The following GLIS3 variants were observed in gnomAD, a reference collection of about 807,000 sequenced individuals.
GLIS3 encodes zinc finger protein GLIS3.
In GLIS3, 53 loss-of-function variants were observed where a neutral mutation model predicts 78.6. The observed-to-expected ratio is 0.67, with a 90% CI of 0.54 to 0.85. GLIS3 has a LOEUF of 0.85. GLIS3 is among the 40% of genes least tolerant of loss of function. GLIS3 has a pLI of 0.00. For missense variants in GLIS3, 1,703 were observed against 1,231.1 expected (o/e 1.38, Z -5.74); for synonymous variants, 684 against 509.9 (o/e 1.34, Z -4.60).
intron 2 of GLIS3, among the ~76,000 whole-genome samples, chr9:4,175,738 G>A (rs181395360): frequency 5.9e-5 from 9 of 152,196 alleles, no homozygotes; most frequent in Non-Finnish European, 1.3e-4. Context: ...AGAAGGCCCA[G>A]AGGAAGTGAA....
rs542931527 is a variant in GLIS3, at chr9:4,117,599, T to G, written c.1710+169A>C. ...AGGAAATATAGCAATGGAGAGCCAC[T>G]AACCATGAAAGAAATCTTCCCCTTC... is the stretch of plus-strand genomic sequence containing the variant. On this transcript the variant is annotated intron_variant, in intron 4 of 10. Coordinates refer to ENST00000381971, the MANE Select transcript of GLIS3 (RefSeq NM_001042413.2). 3.9e-5 allele frequency among the ~76,000 whole-genome samples: 6 copies of G among 152,230 alleles called. No homozygotes were observed. In the South Asian group the frequency reaches 1.0e-3, roughly 26 times the overall value.
intron 9 of GLIS3, among the ~76,000 whole-genome samples, chr9:3,854,466 AGG>A (rs1486269280): frequency 8.6e-5 from 13 of 151,972 alleles, no homozygotes; most frequent in Admixed American, 2.0e-4. Context: ...TGGTTTTTCA[AGG>A]TCTCTTCCTT....
At position 4,190,828 on chromosome 9, in the gene GLIS3, T is replaced by G. The variant is rs149166196; in HGVS notation, c.389-64887A>C. On this transcript the variant is annotated intron_variant, in intron 2 of 10. Transcript: ENST00000381971. ...AAGGAAAGCCCATCTGACTAACAGC[T>G]GATCTCTTGGCAGAAAGTCTACAAG... 1.2e-3 allele frequency among the ~76,000 whole-genome samples: 189 copies of G among 152,336 alleles called. No homozygotes were observed. In the East Asian group the frequency reaches 0.029, roughly 24 times the overall value.
chr9:4,297,941 G>GGGCGGGTCCGGA (rs993723476), intron 1 of GLIS3, among the ~76,000 whole-genome samples: 18 of 142,234 alleles, frequency 1.3e-4, no homozygotes, highest in Admixed American at 7.6e-4. Flanking sequence ...GCGGAGCTAG[G>GGGCGGGTCCGGA]GGCGGGTCCG....
chr9:4,437,112 G>A, the GLIS3 span, among the ~76,000 whole-genome samples: 1 of 152,120 alleles, frequency 6.6e-6, no homozygotes, highest in Non-Finnish European at 1.5e-5. Context: ...AGAAGAAGAG[G>A]AGACAGTGGC....
At chr9:4,335,068 C>T (rs1243282519) in intron 2 of GLIS3, among the ~76,000 whole-genome samples, 1 of 152,062 alleles carries the variant, frequency 6.6e-6, no homozygotes, top group African/African-American at 2.4e-5. Context: ...GCCACTATAC[C>T]TGGCTAATTT....
At chr9:3,949,837 T>G (rs1020504349) in intron 4 of GLIS3, among the ~76,000 whole-genome samples, 1 of 152,232 alleles carries the variant, frequency 6.6e-6, no homozygotes, top group Non-Finnish European at 1.5e-5. Flanking sequence ...CATTTTGCTA[T>G]TTTCCGTTGG....
At chr9:3,915,271 C>G (rs1034995692) in intron 6 of GLIS3, among the ~76,000 whole-genome samples, 15 of 152,198 alleles carry the variant, frequency 9.9e-5, no homozygotes, top group Middle Eastern at 3.4e-3. Context: ...TCCAATTATC[C>G]CAATCCCCTC....
intron 9 of GLIS3, among the ~76,000 whole-genome samples, chr9:3,836,351 A>G (rs888369379): frequency 6.6e-6 from 1 of 152,238 alleles, no homozygotes; most frequent in Non-Finnish European, 1.5e-5. Context: ...CGCAGAGACT[A>G]TAATTTTGTG....
At chr9:4,098,668 A>G (rs1019078923) in intron 4 of GLIS3, among the ~76,000 whole-genome samples, 1 of 152,198 alleles carries the variant, frequency 6.6e-6, no homozygotes, top group East Asian at 1.9e-4. Flanking sequence ...ATTCTGCCTC[A>G]TCCTTTGCCG....
chr9:4,203,615 A>C (rs1586966292), intron 2 of GLIS3, among the ~76,000 whole-genome samples: 1 of 152,240 alleles, frequency 6.6e-6, no homozygotes, highest in Non-Finnish European at 1.5e-5. Flanking sequence ...TATATATCCA[A>C]AAGAAAACAA....
chr9:4,226,396 G>C (rs1226861975), intron 2 of GLIS3, among the ~76,000 whole-genome samples: 1 of 152,004 alleles, frequency 6.6e-6, no homozygotes, highest in Non-Finnish European at 1.5e-5. Flanking sequence ...AATATATGTT[G>C]AATAAATGAA....
intron 2 of GLIS3, among the ~76,000 whole-genome samples, chr9:4,181,736 C>G (rs530672412): frequency 6.6e-6 from 1 of 152,156 alleles, no homozygotes. Context: ...ACTTGAAAAA[C>G]GCTTGAGCAT....
At chr9:4,417,505 A>T in the GLIS3 span, among the ~76,000 whole-genome samples, 2 of 152,188 alleles carry the variant, frequency 1.3e-5, no homozygotes. Flanking sequence ...ACCAACACTG[A>T]CATAACCATT....
chr9:4,100,103 G>C (rs1004860859), intron 4 of GLIS3, among the ~76,000 whole-genome samples: 6 of 152,144 alleles, frequency 3.9e-5, no homozygotes. Context: ...AACAATAAAA[G>C]GTCATGGTAT....
chr9:4,209,336 GT>G (rs1402289582), intron 2 of GLIS3, among the ~76,000 whole-genome samples: 8 of 152,122 alleles, frequency 5.3e-5, no homozygotes, highest in African/African-American at 1.9e-4. Context: ...GATGCATAGG[GT>G]ATCTGGGTTT....
the GLIS3 span, among the ~76,000 whole-genome samples, chr9:4,444,036 C>T: frequency 2.0e-5 from 3 of 152,030 alleles, no homozygotes; most frequent in Admixed American, 6.6e-5. Context: ...ATAGATGAGG[C>T]ACCCCAGAAA....
In GLIS3 at chr9:4,093,867, A is replaced by G. The variant is rs147628458; in HGVS notation, c.1710+23901T>C. Among the ~76,000 whole-genome samples, 687 of 152,348 alleles carry G rather than the reference A, an allele frequency of 4.5e-3. 8 individuals are homozygous for G. The highest frequency in any genetic ancestry group is 0.035 in the South Asian group (169 of 4,822). On this transcript the variant is annotated intron_variant, in intron 4 of 10. Transcript: ENST00000381971. ...CAAGACAAGTTGACCAGAAGGCCTT[A>G]TCAATACTTCAGTAACCCTGAGGTC...
chr9:3,876,673 A>AG (rs1412454387), intron 8 of GLIS3, among the ~76,000 whole-genome samples: 4 of 270 alleles, frequency 0.015, no homozygotes, highest in Non-Finnish European at 0.011. Flanking sequence ...AGAGAGAAAG[A>AG]AAGAGAAGGA....
Sources: allele counts gnomAD v4.1 joint callset (sites outside exome capture counted in the v4.1 genomes callset), GRCh38; gene constraint gnomAD v4.1.1; transcripts MANE v1.5; gene names NCBI Gene and HGNC (gene_info 2026-07-23, HGNC 2026-07-21).